The following LIMS1 variants were observed in gnomAD, a reference collection of about 807,000 sequenced individuals.
LIMS1 encodes the protein LIM zinc finger domain containing 1.
A neutral mutation model predicts 44.1 loss-of-function variants in LIMS1; 18 were observed. The observed-to-expected ratio is 0.41, with a 90% confidence interval of 0.28 to 0.61. LIMS1 has a LOEUF of 0.61. Ranked by LOEUF, LIMS1 falls within the 20% of genes least tolerant of loss-of-function variation. LIMS1 has a pLI of 0.32. For missense variants in LIMS1, 201 were observed against 422.0 expected (o/e 0.48, Z 4.59); for synonymous variants, 93 against 149.1 (o/e 0.62, Z 2.74).
chr2:108,668,789 G>C (rs1691961373), intron 2 of LIMS1, among the ~76,000 whole-genome samples: 1 of 152,136 alleles, frequency 6.6e-6, no homozygotes, highest in African/African-American at 2.4e-5. Flanking sequence ...CTAAACATCA[G>C]ATTTTTATAC....
At chr2:108,576,252 G>A (rs1251680121) in intron 1 of LIMS1, among the ~76,000 whole-genome samples, 2 of 152,124 alleles carry the variant, frequency 1.3e-5, no homozygotes, top group African/African-American at 2.4e-5. Flanking sequence ...CCAGTTATGG[G>A]TCAACTAAGC....
At chr2:108,549,491 C>T (rs1246637719) in intron 1 of LIMS1, among the ~76,000 whole-genome samples, 6 of 151,548 alleles carry the variant, frequency 4.0e-5, no homozygotes, top group Non-Finnish European at 8.8e-5. Flanking sequence ...GACAGGGTTT[C>T]CCCATGTTGG....
intron 1 of LIMS1, among the ~76,000 whole-genome samples, chr2:108,563,788 A>G (rs1052923733): frequency 3.3e-5 from 5 of 152,282 alleles, no homozygotes; most frequent in African/African-American, 1.2e-4. Context: ...GGCCAGGCGC[A>G]TAGCTCATGC....
At position 108,568,340 on chromosome 2, in the gene LIMS1, T is replaced by G. The variant is rs113892529; in HGVS notation, c.32+33746T>G. ...TTCACTTCACATAATGTCCTCAAGC[T>G]TCATCCATGTTGTAGCTTATAACAA... On this transcript the variant is annotated intron_variant, in intron 1 of 9. Coordinates refer to ENST00000544547, the Ensembl canonical transcript of LIMS1. 7.4e-3 allele frequency among the ~76,000 whole-genome samples: 1,123 copies of G among 152,340 alleles called. 15 individuals carry two copies. Among genetic ancestry groups the G allele is most frequent in the African/African-American group, 0.026 (1,074 of 41,566 alleles).
intron 1 of LIMS1, among the ~76,000 whole-genome samples, chr2:108,612,053 C>T (rs1316186270): frequency 5.6e-4 from 50 of 89,280 alleles, no homozygotes; most frequent in Middle Eastern, 5.2e-3. Context: ...CACACACACA[C>T]ATATATATAT....
chr2:108,677,599 C>T (rs960458450), intron 7 of LIMS1: 16 of 225,362 alleles, frequency 7.1e-5, no homozygotes, highest in East Asian at 1.3e-4. Context: ...CTTGTCTCTG[C>T]GCCAGCTGCA....
At chr2:108,635,837 T>A (rs764793207) in intron 1 of LIMS1, among the ~76,000 whole-genome samples, 3 of 152,240 alleles carry the variant, frequency 2.0e-5, no homozygotes, top group Non-Finnish European at 2.9e-5. Flanking sequence ...TTAAATCGTC[T>A]GTTCCTAGTT....
intron 1 of LIMS1, among the ~76,000 whole-genome samples, chr2:108,625,131 CAA>C (rs1409069385): frequency 1.3e-5 from 2 of 152,208 alleles, no homozygotes; most frequent in Non-Finnish European, 2.9e-5. Context: ...ACCCTCAGGC[CAA>C]ATCTGGCCTG....
intron 1 of LIMS1, among the ~76,000 whole-genome samples, chr2:108,619,745 T>C (rs1247239426): frequency 2.6e-4 from 40 of 152,122 alleles, no homozygotes; most frequent in Non-Finnish European, 1.5e-5. Context: ...AATTGAAATG[T>C]TTCTATTACT....
intron 1 of LIMS1, among the ~76,000 whole-genome samples, chr2:108,650,066 A>C (rs1690356415): frequency 2.0e-5 from 3 of 150,886 alleles, no homozygotes; most frequent in Non-Finnish European, 4.5e-5. Flanking sequence ...CACCTAGCAG[A>C]CCTGCTATTC....
At chr2:108,555,790 GCCAGGCTGCAGTTGGC>G (rs1217033672) in intron 1 of LIMS1, among the ~76,000 whole-genome samples, 2 of 152,350 alleles carry the variant, frequency 1.3e-5, no homozygotes, top group East Asian at 3.9e-4. Context: ...TGTGGGGTGA[GCCAGGCTGCAGTTGGC>G]TGGCTGTGGA....
At chr2:108,644,402 G>A (rs1271012823) in intron 1 of LIMS1, among the ~76,000 whole-genome samples, 1 of 152,110 alleles carries the variant, frequency 6.6e-6, no homozygotes, top group Non-Finnish European at 1.5e-5. Flanking sequence ...GCAGCAGAGG[G>A]GCCTGACTGT....
exon 10 of LIMS1, chr2:108,685,488 G>T (rs1693252602): frequency 6.6e-6 from 1 of 152,050 alleles, no homozygotes; most frequent in African/African-American, 2.4e-5. Context: ...AAAGTCTCAG[G>T]TTATTACCAC....
chr2:108,676,772 A>C, intron 7 of LIMS1, 74 bp downstream of exon 7: 1 of 902,386 alleles, frequency 1.1e-6, no homozygotes, highest in Non-Finnish European at 1.7e-6. Context: ...GCTACAAGGA[A>C]ATCTCTTGGA....
intron 9 of LIMS1, 98 bp from the exon 10 acceptor site, chr2:108,683,787 C>T (rs1176862588): frequency 2.9e-5 from 15 of 525,696 alleles, no homozygotes; most frequent in Non-Finnish European, 5.0e-5. Context: ...CACCTAGTTG[C>T]CTTCGTTTAG....
intron 1 of LIMS1, among the ~76,000 whole-genome samples, chr2:108,594,027 C>A (rs1014362421): frequency 6.6e-6 from 1 of 152,130 alleles, no homozygotes; most frequent in Non-Finnish European, 1.5e-5. Flanking sequence ...TAAATTCAGA[C>A]AATAGCAGTG....
intron 1 of LIMS1, among the ~76,000 whole-genome samples, chr2:108,645,608 G>C (rs900272196): frequency 6.6e-6 from 1 of 152,084 alleles, no homozygotes; most frequent in Non-Finnish European, 1.5e-5. Flanking sequence ...ATAACAGCTA[G>C]CATCATATTG....
chr2:108,681,645 G>C, intron 9 of LIMS1: 8 of 940,402 alleles, frequency 8.5e-6, no homozygotes, highest in Non-Finnish European at 1.0e-5. Flanking sequence ...GCATGGCGAG[G>C]CATGGTGGCT....
intron 2 of LIMS1, among the ~76,000 whole-genome samples, chr2:108,663,943 G>A (rs867823859): frequency 1.3e-5 from 2 of 151,760 alleles, no homozygotes; most frequent in Non-Finnish European, 2.9e-5. Flanking sequence ...TATTAGAGAC[G>A]GGGTTTCTCC....
Sources: allele counts gnomAD v4.1 joint callset (sites outside exome capture counted in the v4.1 genomes callset), GRCh38; gene constraint gnomAD v4.1.1; transcripts MANE v1.5; gene names NCBI Gene and HGNC (gene_info 2026-07-23, HGNC 2026-07-21).